Variants in DYM observed in about 807,000 individuals in gnomAD.
DYM encodes the protein dyggve-Melchior-Clausen syndrome protein.
DYM carries 78 observed loss-of-function variants against 93.1 expected under a neutral mutation model. The observed-to-expected ratio is 0.84, with a 90% CI of 0.70 to 1.01. DYM has a LOEUF of 1.01. Ranked by LOEUF, DYM falls within the 50% of genes least tolerant of loss-of-function variation. The probability of loss-of-function intolerance (pLI) is 0.00; values close to 1 mark genes in which losing one functional copy is unlikely to be tolerated. For synonymous variants in DYM, 321 were observed against 319.7 expected (o/e 1.00, Z -0.04); for missense variants, 789 against 845.0 (o/e 0.93, Z 0.82).
chr18:49,332,247 A>G (rs1422596378), intron 7 of DYM, among the ~76,000 whole-genome samples: 1 of 152,184 alleles, frequency 6.6e-6, no homozygotes, highest in Non-Finnish European at 1.5e-5. Context: ...AATTACTTAA[A>G]TACTTTTTTT....
intron 2 of DYM, among the ~76,000 whole-genome samples, chr18:49,425,721 A>G (rs2074216910): frequency 6.6e-6 from 1 of 152,250 alleles, no homozygotes; most frequent in Non-Finnish European, 1.5e-5. Flanking sequence ...AACCCCCATC[A>G]AAAAGTAGGC....
At chr18:49,134,878 C>T (rs914366000) in intron 15 of DYM, among the ~76,000 whole-genome samples, 10 of 152,080 alleles carry the variant, frequency 6.6e-5, no homozygotes, top group African/African-American at 1.7e-4. Context: ...GAGGCTGAGG[C>T]GGTGGATCAC....
At chr18:49,327,131 T>C (rs2062955892) in intron 8 of DYM, among the ~76,000 whole-genome samples, 1 of 151,852 alleles carries the variant, frequency 6.6e-6, no homozygotes, top group Non-Finnish European at 1.5e-5. Flanking sequence ...GGATAAAATG[T>C]TAACAATAAA....
Position 49,324,447 on chromosome 18 carries a change from G to A in DYM, c.763+7417C>T, listed in dbSNP as rs115808564. 3.4e-3 allele frequency among the ~76,000 whole-genome samples: 525 copies of A among 152,196 alleles called. 4 individuals carry two copies. The highest frequency in any genetic ancestry group is 0.012 in the African/African-American group (486 of 41,528). Reference sequence around the variant, plus strand: ...TGGTACCATAGTGATTGTTGTCAAGGCAAGTTCACTTAGGAAGCAAGGAGA... The same window carrying A: ...TGGTACCATAGTGATTGTTGTCAAGACAAGTTCACTTAGGAAGCAAGGAGA... On this transcript the variant is annotated intron_variant, in intron 8 of 17. Transcript: ENST00000675505.
At chr18:49,148,544 C>T (rs573818896) in intron 15 of DYM, among the ~76,000 whole-genome samples, 1 of 152,100 alleles carries the variant, frequency 6.6e-6, no homozygotes, top group South Asian at 2.1e-4. Context: ...GGTGCAAGCC[C>T]CGGCACCAAG....
Position 49,043,803 on chromosome 18 carries a change from T to G in DYM, c.*252A>C. 1 of 507,210 alleles carries G rather than the reference T, an allele frequency of 2.0e-6. No homozygotes were observed. The highest frequency in any genetic ancestry group is 1.9e-5 in the African/African-American group (1 of 52,090). The allele number at this position is 507,210 out of a possible 1,614,324, so 31.4% of individuals were successfully genotyped here. On this transcript the variant is annotated 3_prime_UTR_variant, in exon 18 of 18. Coordinates refer to ENST00000675505, the MANE Select transcript of DYM (RefSeq NM_001353214.3). ...TTGGCTTCGAAATAAAACTGCATGT[T>G]GAATAGCAGGTTTTTACATTTATTA... is the stretch of plus-strand genomic sequence containing the variant.
At position 49,285,596 on chromosome 18, in the gene DYM, T is replaced by C. The variant is rs368985259; in HGVS notation, c.946+838A>G. ...TCAGTACATCATCATGTTGAATAGGTCTGTTGGCTAGGAGCAATAGGCTAC... is the reference window on the plus strand; with the variant it reads ...TCAGTACATCATCATGTTGAATAGGCCTGTTGGCTAGGAGCAATAGGCTAC... On this transcript the variant is annotated intron_variant, in intron 9 of 17. Transcript: ENST00000675505. Among the ~76,000 whole-genome samples, 28 of 152,336 alleles carry C rather than the reference T, an allele frequency of 1.8e-4. No individual in the cohort carries two copies. In the South Asian group the frequency reaches 5.0e-3, roughly 27 times the overall value.
intron 5 of DYM, among the ~76,000 whole-genome samples, chr18:49,369,936 A>C (rs2066850402): frequency 6.6e-6 from 1 of 152,152 alleles, no homozygotes; most frequent in Non-Finnish European, 1.5e-5. Context: ...CCCTCCCCTC[A>C]GTGCTCACAG....
chr18:49,249,399 TA>T (rs2094238936), intron 13 of DYM, among the ~76,000 whole-genome samples: 1 of 152,192 alleles, frequency 6.6e-6, no homozygotes, highest in African/African-American at 2.4e-5. Context: ...GTGTGTAATA[TA>T]AATTCATCCC....
chr18:49,279,864 T>C (rs1466321086), intron 10 of DYM, among the ~76,000 whole-genome samples: 1 of 152,252 alleles, frequency 6.6e-6, no homozygotes, highest in Non-Finnish European at 1.5e-5. Flanking sequence ...TTCACCACAC[T>C]TTTTGTTCTT....
intron 17 of DYM, among the ~76,000 whole-genome samples, chr18:49,088,751 C>CA (rs1302373256): frequency 1.3e-5 from 2 of 151,968 alleles, no homozygotes; most frequent in African/African-American, 4.8e-5. Context: ...TAAGAGGAAG[C>CA]AAAAATTTAG....
At chr18:49,383,315 T>A (rs1388422152) in intron 3 of DYM, among the ~76,000 whole-genome samples, 1 of 152,086 alleles carries the variant, frequency 6.6e-6, no homozygotes, top group Non-Finnish European at 1.5e-5. Context: ...TATTTAGAGA[T>A]ACATATTCGG....
chr18:49,460,268 GTCCCT>G (rs1272091014), intron 1 of DYM, 125 bp downstream of exon 1: 1 of 152,128 alleles, frequency 6.6e-6, no homozygotes, highest in African/African-American at 2.4e-5. Context: ...GGAAGGGAGG[GTCCCT>G]TCGCCGCCGC....
chr18:49,312,662 T>C (rs2061671391), intron 8 of DYM, among the ~76,000 whole-genome samples: 1 of 152,256 alleles, frequency 6.6e-6, no homozygotes, highest in Non-Finnish European at 1.5e-5. Flanking sequence ...TTCTTGGGCA[T>C]GGTACGAGAA....
chr18:49,280,062 G>T (rs552086), intron 10 of DYM, among the ~76,000 whole-genome samples: 1 of 151,960 alleles, frequency 6.6e-6, no homozygotes, highest in South Asian at 2.1e-4. Context: ...TGGCTATTTC[G>T]GGAATGTTCA....
intron 8 of DYM, among the ~76,000 whole-genome samples, chr18:49,318,357 C>T (rs764124662): frequency 1.5e-4 from 23 of 152,114 alleles, no homozygotes; most frequent in Non-Finnish European, 1.3e-4. Context: ...TGGTGGCTCA[C>T]GCCTGTAATC....
chr18:49,143,946 C>T (rs1333340203), intron 15 of DYM, among the ~76,000 whole-genome samples: 1 of 152,046 alleles, frequency 6.6e-6, no homozygotes, highest in Non-Finnish European at 1.5e-5. Flanking sequence ...TTAAGTATCT[C>T]TAAAATATAA....
chr18:49,254,668 A>G (rs2094356901), intron 13 of DYM, among the ~76,000 whole-genome samples: 1 of 152,238 alleles, frequency 6.6e-6, no homozygotes, highest in Admixed American at 6.5e-5. Context: ...AAAACATTTA[A>G]TCGTGCTAAA....
intron 1 of DYM, among the ~76,000 whole-genome samples, chr18:49,453,333 C>T (rs937537402): frequency 3.9e-5 from 6 of 152,142 alleles, no homozygotes; most frequent in Admixed American, 6.5e-5. Context: ...CAGTGGCAAC[C>T]GGCTCAGGTC....
Sources: gnomAD v4.1 joint callset for allele counts (sites outside exome capture counted in the v4.1 genomes callset) on GRCh38, gnomAD v4.1.1 for gene constraint, MANE v1.5 for transcripts, NCBI Gene and HGNC (gene_info 2026-07-23, HGNC 2026-07-21) for gene names.